Variants in RBM20 observed in about 807,000 individuals in gnomAD.
The protein encoded by RBM20 is RNA binding motif protein 20.
A neutral mutation model predicts 110.1 loss-of-function variants in RBM20; 51 were observed. The observed-to-expected ratio is 0.46, with a 90% CI of 0.37 to 0.59. The LOEUF (loss-of-function observed/expected upper bound fraction) is 0.59, where lower values mean the gene tolerates loss of function less well. RBM20 is among the 20% of genes least tolerant of loss of function. The pLI is 0.00. For synonymous variants in RBM20, 589 were observed against 618.2 expected (o/e 0.95, Z 0.70); for missense variants, 1,512 against 1,574.9 (o/e 0.96, Z 0.68).
intron 1 of RBM20, among the ~76,000 whole-genome samples, chr10:110,661,822 C>A (rs1445971612): frequency 6.6e-6 from 1 of 151,934 alleles, no homozygotes; most frequent in Non-Finnish European, 1.5e-5. Context: ...TCAGCCTGAC[C>A]AACATGGCAA....
intron 1 of RBM20, among the ~76,000 whole-genome samples, chr10:110,778,573 CCTGTA>C (rs944088436): frequency 2.7e-4 from 41 of 152,180 alleles, no homozygotes; most frequent in African/African-American, 9.7e-4. Context: ...CAGTGTCTAC[CCTGTA>C]CTGCCTAAGC....
rs946645413 is a variant in RBM20, at chr10:110,838,043, G to A, written c.*2065G>A. ...AAAGAATAGCCAAATCCCCAAACAGGCCAGTTTTAACCAGCATGATGAAGT... is the reference window on the plus strand; with the variant it reads ...AAAGAATAGCCAAATCCCCAAACAGACCAGTTTTAACCAGCATGATGAAGT... On this transcript the variant is annotated 3_prime_UTR_variant, in exon 14 of 14. Transcript: ENST00000369519. 4 of 152,124 alleles carry A rather than the reference G, an allele frequency of 2.6e-5. No homozygotes were observed. The highest frequency in any genetic ancestry group is 9.7e-5 in the African/African-American group (4 of 41,408). The allele number at this position is 152,124 out of a possible 1,614,324, so 9.4% of individuals were successfully genotyped here.
At chr10:110,747,902 G>A in intron 1 of RBM20, among the ~76,000 whole-genome samples, 1 of 76,548 alleles carries the variant, frequency 1.3e-5, no homozygotes, top group Non-Finnish European at 2.9e-5. Context: ...AAACTTTTTA[G>A]AAAGTTTTCT....
chr10:110,738,519 G>A (rs543609723), intron 1 of RBM20, among the ~76,000 whole-genome samples: 76 of 152,242 alleles, frequency 5.0e-4, no homozygotes, highest in Non-Finnish European at 1.0e-3. Context: ...CGAACCCCCC[G>A]TGGAATGTTT....
Position 110,664,624 on chromosome 10 carries a change from G to A in RBM20, c.191+19979G>A, listed in dbSNP as rs376162023. Among the ~76,000 whole-genome samples the A allele has an allele frequency of 3.4e-4, 51 of 152,116 alleles. No individual in the cohort carries two copies. In the East Asian group the frequency reaches 9.1e-3, roughly 27 times the overall value. The stretch of plus-strand genomic sequence containing the variant: ...TAGCTGGGTGTGGTGGCTAACCCCT[G>A]TAGTCCCAGCTACTCTGGAGATTGA... On this transcript the variant is annotated intron_variant, in intron 1 of 13. Coordinates refer to ENST00000369519, the MANE Select transcript of RBM20 (RefSeq NM_001134363.3).
At chr10:110,773,193 C>A (rs1844216901) in intron 1 of RBM20, among the ~76,000 whole-genome samples, 5 of 152,202 alleles carry the variant, frequency 3.3e-5, no homozygotes, top group Admixed American at 3.3e-4. Flanking sequence ...CAGTCCTAGG[C>A]ACTATTTTAT....
At chr10:110,733,863 T>A (rs1843643171) in intron 1 of RBM20, among the ~76,000 whole-genome samples, 2 of 152,332 alleles carry the variant, frequency 1.3e-5, no homozygotes, top group South Asian at 4.1e-4. Context: ...CCTTCTGGGG[T>A]GCTTCTCAAA....
chr10:110,716,539 A>C (rs780542135), intron 1 of RBM20, among the ~76,000 whole-genome samples: 1 of 152,224 alleles, frequency 6.6e-6, no homozygotes, highest in Non-Finnish European at 1.5e-5. Context: ...GTCAGTGTAC[A>C]AGAAACAATG....
At chr10:110,752,325 C>T (rs1488788133) in intron 1 of RBM20, among the ~76,000 whole-genome samples, 1 of 152,198 alleles carries the variant, frequency 6.6e-6, no homozygotes, top group African/African-American at 2.4e-5. Context: ...GCCTCTTTCA[C>T]CTAGTAATGT....
Position 110,821,759 on chromosome 10 carries a change from C to T in RBM20, c.3140C>T (p.Ser1047Phe), listed in dbSNP as rs1237065275. The part of the protein sequence containing the change: ...VHPAPTVQQM[S>F]SPKPAEERAR... ...CCAGCCCCTACAGTCCAGCAAATGTCTTCCCCTAAGCCAGCAGAGGAGAGG... is the reference window on the plus strand; with the variant it reads ...CCAGCCCCTACAGTCCAGCAAATGTTTTCCCCTAAGCCAGCAGAGGAGAGG... The change falls in exon 11 of 14, where the codon TCT (serine) becomes TTT (phenylalanine). Residue 1047 changes from serine to phenylalanine, a missense_variant. Transcript: ENST00000369519. The T allele has an allele frequency of 1.3e-6, 2 of 1,551,690 alleles. No individual in the cohort carries two copies. Among genetic ancestry groups the T allele is most frequent in the Non-Finnish European group, 1.7e-6 (2 of 1,147,026 alleles).
rs34255362 is a variant in RBM20 at position 110,655,904 on chromosome 10, C to CTT, written c.191+11268_191+11269dup. Reference sequence around the variant, plus strand: ...AATAAAATTTAAAACTTTTTTTGGTCTTTTTTTTTTCAATTTTAAGAGGTA... The same window carrying CTT: ...AATAAAATTTAAAACTTTTTTTGGTCTTTTTTTTTTTTCAATTTTAAGAGGTA... On this transcript the variant is annotated intron_variant, in intron 1 of 13. Coordinates refer to ENST00000369519, the MANE Select transcript of RBM20 (RefSeq NM_001134363.3). Among the ~76,000 whole-genome samples the CTT allele has an allele frequency of 7.8e-4, 117 of 149,490 alleles. 1 individual carries two copies. The highest frequency in any genetic ancestry group is 5.8e-4 in the East Asian group (3 of 5,146).
intron 12 of RBM20, among the ~76,000 whole-genome samples, chr10:110,828,127 A>G (rs1296115113): frequency 1.3e-5 from 2 of 152,198 alleles, no homozygotes; most frequent in African/African-American, 2.4e-5. Context: ...TATCCATCCC[A>G]GCTTTACTAG....
intron 1 of RBM20, among the ~76,000 whole-genome samples, chr10:110,709,448 T>C (rs1253479528): frequency 6.6e-6 from 1 of 152,154 alleles, no homozygotes; most frequent in Non-Finnish European, 1.5e-5. Flanking sequence ...AGGGAGTGTC[T>C]GCCCTGACCC....
intron 9 of RBM20, among the ~76,000 whole-genome samples, chr10:110,818,700 C>T (rs977217864): frequency 1.3e-5 from 2 of 152,222 alleles, no homozygotes; most frequent in African/African-American, 2.4e-5. Flanking sequence ...TCTCCCAACT[C>T]GAACTGAAGG....
chr10:110,751,253 A>C (rs1031041983), intron 1 of RBM20, among the ~76,000 whole-genome samples: 1 of 152,236 alleles, frequency 6.6e-6, no homozygotes, highest in African/African-American at 2.4e-5. Flanking sequence ...TCTGAGTGGA[A>C]AGGCAAGGCC....
chr10:110,804,628 G>A (rs1353335761), intron 7 of RBM20, among the ~76,000 whole-genome samples: 1 of 152,210 alleles, frequency 6.6e-6, no homozygotes, highest in Non-Finnish European at 1.5e-5. Flanking sequence ...CATGATAGAT[G>A]TTTAATAAAT....
intron 7 of RBM20, among the ~76,000 whole-genome samples, chr10:110,809,300 T>G (rs371261099): frequency 1.2e-4 from 17 of 146,494 alleles, no homozygotes; most frequent in African/African-American, 4.2e-4. Flanking sequence ...TTAATAAAAC[T>G]CATTATCAAA....
intron 1 of RBM20, among the ~76,000 whole-genome samples, chr10:110,774,644 C>T (rs1254298175): frequency 6.6e-6 from 1 of 151,934 alleles, no homozygotes; most frequent in Non-Finnish European, 1.5e-5. Context: ...ACTTCATTGG[C>T]TTTTGCGGTT....
intron 1 of RBM20, among the ~76,000 whole-genome samples, chr10:110,680,426 C>T (rs181189074): frequency 1.4e-4 from 21 of 152,180 alleles, no homozygotes; most frequent in East Asian, 7.7e-4. Context: ...CTCAGGGGTT[C>T]GGTTCTCTCA....
Sources: allele counts gnomAD v4.1 joint callset (sites outside exome capture counted in the v4.1 genomes callset), GRCh38; gene constraint gnomAD v4.1.1; transcripts MANE v1.5; gene names NCBI Gene and HGNC (gene_info 2026-07-23, HGNC 2026-07-21).